The following CDH6 variants were observed in gnomAD, a reference collection of about 807,000 sequenced individuals.
CDH6 encodes cadherin 6.
A neutral mutation model predicts 78.0 loss-of-function variants in CDH6; 31 were observed. That is an observed-to-expected ratio of 0.40 (90% confidence interval 0.30 to 0.54). CDH6 has a LOEUF of 0.54. Among genes scored for constraint, CDH6 ranks in the 20% least tolerant of loss-of-function variants. The pLI is 0.56. For missense variants in CDH6, 724 were observed against 975.9 expected, an observed-to-expected ratio of 0.74 and a Z score of 3.44; for synonymous variants, 376 against 368.8, an observed-to-expected ratio of 1.02 and a Z score of -0.23.
chr5:31,265,781 T>G (rs1046571144), intron 1 of CDH6, among the ~76,000 whole-genome samples: 4 of 138,764 alleles, frequency 2.9e-5, no homozygotes, highest in East Asian at 2.1e-4. Flanking sequence ...TTTTTTTTTT[T>G]TTTTTTTTTT....
intron 11 of CDH6, 148 bp from the exon 12 acceptor site, chr5:31,322,670 C>A (rs1579918451): frequency 1.2e-6 from 1 of 816,652 alleles, no homozygotes; most frequent in Non-Finnish European, 1.9e-6. Context: ...TGGATGGAGG[C>A]AAGTGCATCC....
intron 2 of CDH6, among the ~76,000 whole-genome samples, chr5:31,271,565 C>T (rs1742532415): frequency 6.6e-6 from 1 of 152,126 alleles, no homozygotes; most frequent in South Asian, 2.1e-4. Context: ...TGTCAACAAC[C>T]ACTCACTTAA....
intron 3 of CDH6, among the ~76,000 whole-genome samples, chr5:31,295,798 T>C (rs1234781424): frequency 6.6e-6 from 1 of 152,096 alleles, no homozygotes; most frequent in African/African-American, 2.4e-5. Context: ...AAAAAATAAA[T>C]AATAAATGTC....
At chr5:31,199,771 A>G (rs912107381) in intron 1 of CDH6, among the ~76,000 whole-genome samples, 9 of 147,180 alleles carry the variant, frequency 6.1e-5, no homozygotes, top group Admixed American at 1.4e-4. Flanking sequence ...TATACATCCA[A>G]ATAATAATGA....
intron 2 of CDH6, among the ~76,000 whole-genome samples, chr5:31,283,125 G>A (rs564847545): frequency 2.6e-4 from 40 of 152,288 alleles, no homozygotes; most frequent in African/African-American, 8.9e-4. Flanking sequence ...ATTTTTGGCT[G>A]TCACATCTTG....
At chr5:31,302,349 CA>C in intron 6 of CDH6, 51 bp downstream of exon 6, 3 of 1,378,200 alleles carry the variant, frequency 2.2e-6, no homozygotes, top group Non-Finnish European at 3.0e-6. Context: ...TACTTTTCTC[CA>C]GTTCCTAAGT....
At chr5:31,247,341 A>T (rs1301486156) in intron 1 of CDH6, among the ~76,000 whole-genome samples, 2 of 152,238 alleles carry the variant, frequency 1.3e-5, no homozygotes, top group Non-Finnish European at 2.9e-5. Flanking sequence ...AAACTTTAAA[A>T]GGTTAAGTAA....
chr5:31,318,066 T>C (rs1561073431), intron 11 of CDH6, 142 bp downstream of exon 11: 12 of 1,004,052 alleles, frequency 1.2e-5, no homozygotes, highest in Non-Finnish European at 1.9e-5. Context: ...GAATCTGTGC[T>C]GTACGATGTG....
intron 1 of CDH6, among the ~76,000 whole-genome samples, chr5:31,209,945 G>A (rs1479528347): frequency 6.6e-6 from 1 of 152,088 alleles, no homozygotes; most frequent in Non-Finnish European, 1.5e-5. Context: ...AGGATTAAGG[G>A]TAATGTCCTT....
chr5:31,248,159 T>G (rs1009328965), intron 1 of CDH6, among the ~76,000 whole-genome samples: 1 of 152,218 alleles, frequency 6.6e-6, no homozygotes, highest in African/African-American at 2.4e-5. Context: ...TTCCTAATGA[T>G]ATTAAAACAA....
At chr5:31,277,622 T>C (rs1330656529) in intron 2 of CDH6, among the ~76,000 whole-genome samples, 1 of 152,186 alleles carries the variant, frequency 6.6e-6, no homozygotes, top group African/African-American at 2.4e-5. Context: ...TGTTTCAAAT[T>C]GGATCCCAGG....
chr5:31,249,056 TGTTA>T lies in CDH6; in HGVS notation c.-128-18289_-128-18286del, dbSNP rs532086655. Among the ~76,000 whole-genome samples the T allele has an allele frequency of 9.2e-5, 14 of 152,320 alleles. No individual in the cohort carries two copies. The East Asian group carries it at 2.3e-3, about 25-fold the overall frequency. On this transcript the variant is annotated intron_variant, in intron 1 of 11. Coordinates refer to ENST00000265071, the MANE Select transcript of CDH6 (RefSeq NM_004932.4). ...TAATAATGATGTGAGGTTATGCATA[TGTTA>T]ATTAGCTAGATCTAATCATTCCACA...
rs777622672 is a variant in CDH6, at chr5:31,322,854, G to A, written c.1919G>A (p.Arg640Gln). 2 of 1,613,646 alleles carry A rather than the reference G, an allele frequency of 1.2e-6. No homozygotes were observed. The highest frequency in any genetic ancestry group is 1.7e-6 in the Non-Finnish European group (2 of 1,179,796). Reference protein sequence around the residue: ...VVLFAALRRQRKKEPLIISKE... With the variant: ...VVLFAALRRQQKKEPLIISKE... Reference sequence around the variant, plus strand: ...CTGTTTGCAGCTCTGAGGCGGCAGCGAAAAAAAGAGCCTTTGATCATTTCC... The same window carrying A: ...CTGTTTGCAGCTCTGAGGCGGCAGCAAAAAAAAGAGCCTTTGATCATTTCC... The change falls in exon 12 of 12, where the codon CGA becomes CAA. Residue 640 changes from arginine to glutamine, a missense_variant. Around this residue, in one of 3 missense-constraint regions of CDH6, gnomAD observed 220 missense variants for 240.6 expected, o/e 0.91. Coordinates refer to ENST00000265071, the MANE Select transcript of CDH6 (RefSeq NM_004932.4).
intron 1 of CDH6, among the ~76,000 whole-genome samples, chr5:31,262,476 AAAAAG>A (rs754414275): frequency 1.3e-5 from 2 of 152,224 alleles, no homozygotes; most frequent in Non-Finnish European, 2.9e-5. Flanking sequence ...AGATCCCAAC[AAAAAG>A]AAAAGAAGAG....
intron 1 of CDH6, among the ~76,000 whole-genome samples, chr5:31,219,716 G>A (rs1740958405): frequency 6.6e-6 from 1 of 152,154 alleles, no homozygotes; most frequent in African/African-American, 2.4e-5. Flanking sequence ...GAAAAGACCT[G>A]TTATATATTG....
chr5:31,321,732 A>G (rs1266091276), intron 11 of CDH6, among the ~76,000 whole-genome samples: 1 of 152,202 alleles, frequency 6.6e-6, no homozygotes, highest in Non-Finnish European at 1.5e-5. Context: ...GCAGTAATTC[A>G]GTTTTCATGT....
At chr5:31,219,092 A>G (rs1187898454) in intron 1 of CDH6, among the ~76,000 whole-genome samples, 1 of 152,214 alleles carries the variant, frequency 6.6e-6, no homozygotes, top group Non-Finnish European at 1.5e-5. Context: ...GCCTCATCCA[A>G]GCAATTGAAG....
At chr5:31,258,762 T>G (rs766652424) in intron 1 of CDH6, among the ~76,000 whole-genome samples, 2 of 152,222 alleles carry the variant, frequency 1.3e-5, no homozygotes, top group Non-Finnish European at 2.9e-5. Context: ...TTGTAAGTTT[T>G]GTAACAACTC....
intron 11 of CDH6, among the ~76,000 whole-genome samples, chr5:31,321,293 C>CA (rs1203771839): frequency 6.6e-6 from 1 of 152,072 alleles, no homozygotes. Context: ...TTTCTGGCAG[C>CA]AAAAGAGGGT....
Sources: allele counts gnomAD v4.1 joint callset (sites outside exome capture counted in the v4.1 genomes callset), GRCh38; gene constraint gnomAD v4.1.1; regional missense constraint gnomAD v4.1.1; transcripts MANE v1.5; gene names NCBI Gene and HGNC (gene_info 2026-07-23, HGNC 2026-07-21).